TTC39A: variants seen among roughly 807,000 people sequenced by gnomAD.
TTC39A encodes the protein tetratricopeptide repeat domain 39A, also known as tetratricopeptide repeat protein 39A.
TTC39A carries 46 observed loss-of-function variants against 82.3 expected under a neutral mutation model. That is an observed-to-expected ratio of 0.56 (90% CI 0.44 to 0.71). The LOEUF is 0.71. Ranked by LOEUF, TTC39A falls within the 30% of genes least tolerant of loss-of-function variation. The probability of loss-of-function intolerance (pLI) is 0.00; values close to 1 mark genes in which losing one functional copy is unlikely to be tolerated. For synonymous variants in TTC39A, 254 were observed against 275.2 expected (o/e 0.92, Z 0.76); for missense variants, 543 against 712.9 (o/e 0.76, Z 2.71).
In TTC39A at chr1:51,290,415, C is replaced by T. The variant is rs978827134; in HGVS notation, c.1378+99G>A. 4.5e-5 allele frequency: 48 copies of T among 1,070,814 alleles called. No individual in the cohort carries two copies. The African/African-American group carries it at 7.0e-4, about 16-fold the overall frequency. The allele number at this position is 1,070,814 out of a possible 1,614,324, so 66.3% of individuals were successfully genotyped here. A position where few individuals can be genotyped will look rare whatever the true frequency, so the allele number is the denominator to read the frequency against. Reference sequence around the variant, plus strand: ...GTCTAGAGAGATAAAGGAGAGTTGCCAGGGTAGGGAAAGGAGGAAGGACAT... The same window carrying T: ...GTCTAGAGAGATAAAGGAGAGTTGCTAGGGTAGGGAAAGGAGGAAGGACAT... On this transcript the variant is annotated intron_variant, in intron 15 of 17. Coordinates refer to ENST00000680483, the MANE Select transcript of TTC39A (RefSeq NM_001297663.2).
intron 1 of TTC39A, among the ~76,000 whole-genome samples, chr1:51,324,057 T>C (rs1042048328): frequency 8.5e-5 from 13 of 152,200 alleles, no homozygotes; most frequent in African/African-American, 3.1e-4. Flanking sequence ...CCTGAGACCA[T>C]TTAAGTTACT....
In TTC39A at chr1:51,290,314, G is replaced by C. The variant is rs74080518; in HGVS notation, c.1379-195C>G. 8.8e-3 allele frequency among the ~76,000 whole-genome samples: 1,341 copies of C among 152,344 alleles called. 15 individuals are homozygous for C. The highest frequency in any genetic ancestry group is 0.031 in the African/African-American group (1,288 of 41,578). Reference sequence around the variant, plus strand: ...CAATACAGTGAGGTCAGCACTGAAGGAAGCCCCAAGGCTGCGGGAGCCCAG... The same window carrying C: ...CAATACAGTGAGGTCAGCACTGAAGCAAGCCCCAAGGCTGCGGGAGCCCAG... On this transcript the variant is annotated intron_variant, in intron 15 of 17. Transcript: ENST00000680483.
rs1645530167 is a variant in TTC39A at position 51,321,786 on chromosome 1, G to A, written c.81C>T (p.Cys27=). ...TGAGGAAGAGGTCCAGGGCGGTCAT[G>A]CACTGGTCCAGGGCCTCATGGAGGC... The part of the protein sequence containing the change: ...ESSLHEALDQ[C]MTALDLFLTN... The change falls in exon 2 of 18, where the codon TGC becomes TGT. Residue 27 remains cysteine, a synonymous_variant. Transcript: ENST00000680483. This position sits in a 1 kb window ranked among gnomAD's most constrained non-coding sequence, Gnocchi z 4.6. 1 of 1,613,914 alleles carries A rather than the reference G, an allele frequency of 6.2e-7. No individual in the cohort carries two copies. Among genetic ancestry groups the A allele is most frequent in the East Asian group, 2.2e-5 (1 of 44,874 alleles).
At position 51,311,358 on chromosome 1, in the gene TTC39A, G is replaced by C. The variant is rs763529545; in HGVS notation, c.356-37C>G. 1.2e-5 allele frequency: 19 copies of C among 1,542,604 alleles called. No individual in the cohort carries two copies. In the South Asian group the frequency reaches 2.0e-4, roughly 17 times the overall value. ...AAACCAAAGCCCCGTGGCCTCCTGG[G>C]ACTCTAGTCAGGAGGCCTGGGACAA... On this transcript the variant is annotated intron_variant, in intron 4 of 17. Coordinates refer to ENST00000680483, the MANE Select transcript of TTC39A (RefSeq NM_001297663.2).
Position 51,322,185 on chromosome 1 carries a change from G to A in TTC39A, c.42-360C>T, listed in dbSNP as rs371194235. ...ATTGGGCTCTGCTGCCCCCCCAGGG[G>A]GTGCAGCCCAGCCACTAAATCCCAC... On this transcript the variant is annotated intron_variant, in intron 1 of 17. Coordinates refer to ENST00000680483, the MANE Select transcript of TTC39A (RefSeq NM_001297663.2). 2.3e-4 allele frequency: 356 copies of A among 1,523,276 alleles called. 2 individuals are homozygous for A. The African/African-American group carries it at 4.3e-3, about 18-fold the overall frequency. 94.4% of individuals were successfully genotyped at this position (1,523,276 alleles called of 1,614,324 possible).
intron 1 of TTC39A, among the ~76,000 whole-genome samples, chr1:51,336,703 G>A (rs1645978978): frequency 1.3e-5 from 2 of 151,686 alleles, no homozygotes; most frequent in Non-Finnish European, 2.9e-5. Flanking sequence ...TCCGATTAGA[G>A]AATAGTTCAG....
chr1:51,331,523 T>A, upstream of TTC39A: 2 of 985,336 alleles, frequency 2.0e-6, no homozygotes, highest in Non-Finnish European at 2.4e-6. Flanking sequence ...CTCCAGGACG[T>A]CAGAAGAGGA....
chr1:51,343,403 G>T (rs1646060896), intron 1 of TTC39A, among the ~76,000 whole-genome samples: 1 of 152,164 alleles, frequency 6.6e-6, no homozygotes, highest in African/African-American at 2.4e-5. Flanking sequence ...GGTCCTGTTT[G>T]TTCTGGCCAG....
At chr1:51,306,783 G>T (rs1475039601) in intron 6 of TTC39A, among the ~76,000 whole-genome samples, 1 of 151,810 alleles carries the variant, frequency 6.6e-6, no homozygotes, top group Non-Finnish European at 1.5e-5. Flanking sequence ...TCTGTGCCAG[G>T]CACTGGAAGA....
intron 2 of TTC39A, among the ~76,000 whole-genome samples, chr1:51,315,400 A>C (rs1275837553): frequency 6.6e-6 from 1 of 152,208 alleles, no homozygotes; most frequent in Non-Finnish European, 1.5e-5. Context: ...CTAGGCCGCT[A>C]GTCCCCTCAT....
intron 1 of TTC39A, among the ~76,000 whole-genome samples, chr1:51,326,641 G>C (rs1362750105): frequency 1.3e-5 from 2 of 152,224 alleles, no homozygotes; most frequent in Admixed American, 6.5e-5. Flanking sequence ...ATATGGCAGG[G>C]ACAGGCAGTG....
At chr1:51,314,618 AG>A (rs1645214482) in intron 2 of TTC39A, among the ~76,000 whole-genome samples, 1 of 152,222 alleles carries the variant, frequency 6.6e-6, no homozygotes, top group Non-Finnish European at 1.5e-5. Flanking sequence ...CTCGCCAGCC[AG>A]GGGCACTCTC....
In TTC39A at chr1:51,344,998, C is replaced by T. The variant is rs769872188; in HGVS notation, c.46G>A (p.Asp16Asn). 151 of 1,523,850 alleles carry T rather than the reference C, an allele frequency of 9.9e-5. 5 individuals carry two copies. In the South Asian group the frequency reaches 1.8e-3, roughly 18 times the overall value. The allele number at this position is 1,523,850 out of a possible 1,614,324, so 94.4% of individuals were successfully genotyped here. Reference sequence around the variant, plus strand: ...CCCACCCCTGCCCGGTACCTGCGGTCGCTTTTCCCGGAGGCCGCCTCCTTC... The same window carrying T: ...CCCACCCCTGCCCGGTACCTGCGGTTGCTTTTCCCGGAGGCCGCCTCCTTC... Residue 16 changes from aspartate to asparagine, a missense_variant, in exon 1 of 6, where the codon GAC (aspartate) becomes AAC (asparagine). Coordinates refer to the TTC39A transcript ENST00000401051.
At chr1:51,344,963 C>A in intron 1 of TTC39A, 1 of 1,526,218 alleles carries the variant, frequency 6.6e-7, no homozygotes. Context: ...TCCGCGCCTT[C>A]CGCCGAGTCC....
chr1:51,295,897 G>A (rs2148134045), intron 13 of TTC39A, 182 bp downstream of exon 13: 2 of 630,494 alleles, frequency 3.2e-6, no homozygotes, highest in Admixed American at 2.5e-5. Context: ...ACCAGCAGCA[G>A]CAGCATGGGG....
At chr1:51,330,597 CCGGGGGCGGGGAAGGCGG>C (rs997185738), upstream of TTC39A, 2 of 982,952 alleles carry the variant, frequency 2.0e-6, no homozygotes, top group Non-Finnish European at 2.4e-6. This position sits in a 1 kb window ranked among gnomAD's most constrained non-coding sequence, Gnocchi z 4.5. Flanking sequence ...GAGGGGCGCG[CCGGGGGCGGGGAAGGCGG>C]CGGGGCCGGG....
intron 9 of TTC39A, 51 bp downstream of exon 9, chr1:51,303,033 C>T (rs1644732862): frequency 6.7e-7 from 1 of 1,493,992 alleles, no homozygotes; most frequent in Non-Finnish European, 9.1e-7. Context: ...GTTCTCCTTC[C>T]CCCTTGGAGA....
Position 51,330,046 on chromosome 1 carries a change from G to T in TTC39A, c.41+391C>A. The stretch of plus-strand genomic sequence containing the variant: ...CCCACCCGCAACTCTTACCTCCTGG[G>T]TGACCGATGACAAGTCACTTAAGTG... On this transcript the variant is annotated intron_variant, in intron 1 of 17. Coordinates refer to ENST00000680483, the MANE Select transcript of TTC39A (RefSeq NM_001297663.2). The surrounding 1 kb of genome is among the most constrained non-coding windows in gnomAD (Gnocchi z 4.5). 1.3e-6 allele frequency: 1 copy of T among 782,656 alleles called. No homozygotes were observed. Among genetic ancestry groups the T allele is most frequent in the Non-Finnish European group, 1.6e-6 (1 of 644,794 alleles). The allele number at this position is 782,656 out of a possible 1,614,324, so 48.5% of individuals were successfully genotyped here.
chr1:51,323,858 C>G (rs1042148940), intron 1 of TTC39A, among the ~76,000 whole-genome samples: 5 of 152,164 alleles, frequency 3.3e-5, no homozygotes, highest in African/African-American at 1.2e-4. Context: ...ATTTTAGACT[C>G]TCAGGGAAAC....
Sources: gnomAD v4.1 joint callset for allele counts (sites outside exome capture counted in the v4.1 genomes callset) on GRCh38, gnomAD v4.1.1 for gene constraint, Gnocchi (gnomAD v3.1) non-coding constraint, MANE v1.5 for transcripts, NCBI Gene and HGNC (gene_info 2026-07-23, HGNC 2026-07-21) for gene names.